XKR6: variants seen among roughly 807,000 people sequenced by gnomAD.
XKR6 encodes the protein XK-related protein 6.
XKR6 carries 22 observed loss-of-function variants against 56.7 expected under a neutral mutation model. The ratio of observed to expected loss-of-function variants is 0.39; its 90% CI spans 0.28 to 0.55. The LOEUF (loss-of-function observed/expected upper bound fraction) is 0.55, where lower values mean the gene tolerates loss of function less well. Ranked by LOEUF, XKR6 falls within the 20% of genes least tolerant of loss-of-function variation. The pLI, the probability that XKR6 is intolerant of heterozygous loss-of-function variation, is 0.66. For missense variants in XKR6, 852 were observed against 889.0 expected (o/e 0.96, Z 0.53); for synonymous variants, 524 against 387.8 (o/e 1.35, Z -4.13).
At chr8:11,186,314 G>T (rs1803271126) in intron 1 of XKR6, among the ~76,000 whole-genome samples, 1 of 152,120 alleles carries the variant, frequency 6.6e-6, no homozygotes, top group Non-Finnish European at 1.5e-5. Context: ...CTTGATCTAG[G>T]TATGGTCCAC....
At chr8:10,989,019 A>G (rs1248005354) in intron 1 of XKR6, among the ~76,000 whole-genome samples, 1 of 152,354 alleles carries the variant, frequency 6.6e-6, no homozygotes, top group East Asian at 1.9e-4. Flanking sequence ...CAATCACTGA[A>G]TATGCCCATA....
chr8:11,108,019 G>T (rs926241678), intron 1 of XKR6: 1 of 317,446 alleles, frequency 3.2e-6, no homozygotes, highest in African/African-American at 2.2e-5. Context: ...ATTTTTCCAC[G>T]ATGCGCCTCT....
At chr8:10,962,588 A>C (rs1802096772) in intron 1 of XKR6, among the ~76,000 whole-genome samples, 1 of 151,888 alleles carries the variant, frequency 6.6e-6, no homozygotes, top group Non-Finnish European at 1.5e-5. Flanking sequence ...TCTCTGTTCC[A>C]TGTTTAGTTT....
At chr8:11,189,429 A>G (rs980754959) in intron 1 of XKR6, among the ~76,000 whole-genome samples, 2 of 152,190 alleles carry the variant, frequency 1.3e-5, no homozygotes, top group African/African-American at 4.8e-5. Context: ...CAGGCATAAT[A>G]TATGGCAACA....
intron 1 of XKR6, among the ~76,000 whole-genome samples, chr8:11,045,053 C>G (rs1799374120): frequency 7.1e-6 from 1 of 140,990 alleles, no homozygotes; most frequent in Admixed American, 7.1e-5. Flanking sequence ...CTTTGTGTTA[C>G]CATTTCCACC....
At chr8:11,101,399 CAATG>C (rs1268045633) in intron 1 of XKR6, among the ~76,000 whole-genome samples, 1 of 152,154 alleles carries the variant, frequency 6.6e-6, no homozygotes, top group East Asian at 1.9e-4. Context: ...TCTGAAATGA[CAATG>C]AATGGAGTAT....
intron 1 of XKR6, among the ~76,000 whole-genome samples, chr8:10,938,164 G>T (rs577478355): frequency 1.6e-4 from 24 of 152,192 alleles, no homozygotes; most frequent in Non-Finnish European, 2.1e-4. Context: ...ACCCGATTTT[G>T]CAGGTGCGTC....
chr8:11,114,583 A>C (rs1799068061), intron 1 of XKR6, among the ~76,000 whole-genome samples: 1 of 151,724 alleles, frequency 6.6e-6, no homozygotes, highest in African/African-American at 2.4e-5. Flanking sequence ...CTGGTCTTGA[A>C]CTCCTGACCT....
intron 1 of XKR6, among the ~76,000 whole-genome samples, chr8:11,049,562 G>A (rs929698697): frequency 3.9e-5 from 6 of 152,146 alleles, no homozygotes; most frequent in Non-Finnish European, 8.8e-5. Flanking sequence ...TTACTGGGGA[G>A]CCCCAGAGAG....
chr8:10,939,343 G>A (rs1801320192), intron 1 of XKR6, among the ~76,000 whole-genome samples: 1 of 152,210 alleles, frequency 6.6e-6, no homozygotes, highest in Middle Eastern at 3.2e-3. Flanking sequence ...CCAAGGACCA[G>A]TGACTGAGAG....
chr8:11,171,861 T>G (rs1241732753), intron 1 of XKR6, among the ~76,000 whole-genome samples: 3 of 151,358 alleles, frequency 2.0e-5, no homozygotes, highest in African/African-American at 7.3e-5. Context: ...AACACCAGCA[T>G]GGCAAACATG....
intron 1 of XKR6, among the ~76,000 whole-genome samples, chr8:11,076,893 C>T (rs1314696977): frequency 6.6e-6 from 1 of 152,190 alleles, no homozygotes; most frequent in African/African-American, 2.4e-5. Context: ...GCATGGAGAG[C>T]TGGCTGAGCG....
chr8:11,029,135 C>T (rs1296028606), intron 1 of XKR6, among the ~76,000 whole-genome samples: 1 of 152,148 alleles, frequency 6.6e-6, no homozygotes, highest in African/African-American at 2.4e-5. Flanking sequence ...TGTGAGCTGT[C>T]CCCAAGAACC....
At chr8:11,194,929 A>G (rs1803789735) in intron 1 of XKR6, 2 of 545,584 alleles carry the variant, frequency 3.7e-6, no homozygotes, top group African/African-American at 3.9e-5. Context: ...ATTTCGCTCC[A>G]AAGCATGCCA....
intron 1 of XKR6, among the ~76,000 whole-genome samples, chr8:11,117,819 G>A (rs1044976268): frequency 3.3e-5 from 5 of 151,936 alleles, no homozygotes; most frequent in African/African-American, 4.8e-5. Context: ...CCAAGAAAAA[G>A]AAAACCCCAT....
intron 1 of XKR6, among the ~76,000 whole-genome samples, chr8:10,963,999 C>T (rs1055217401): frequency 6.6e-6 from 1 of 152,224 alleles, no homozygotes; most frequent in African/African-American, 2.4e-5. Context: ...CAACATAATC[C>T]CTACCGCAGA....
In XKR6 at chr8:10,897,642, G is replaced by T; in HGVS notation, c.*310C>A. The T allele has an allele frequency of 4.1e-6, 1 of 242,404 alleles. No individual in the cohort carries two copies. The allele number at this position is 242,404 out of a possible 1,614,324, so 15.0% of individuals were successfully genotyped here. Reference sequence around the variant, plus strand: ...GATAACTCCTCCTTCTCCACCCTATGAACCATAGCGTGGGATTTTTCAATA... The same window carrying T: ...GATAACTCCTCCTTCTCCACCCTATTAACCATAGCGTGGGATTTTTCAATA... On this transcript the variant is annotated 3_prime_UTR_variant, in exon 3 of 3. Coordinates refer to ENST00000416569, the MANE Select transcript of XKR6 (RefSeq NM_173683.4).
intron 1 of XKR6, among the ~76,000 whole-genome samples, chr8:11,054,998 G>A (rs550882651): frequency 6.6e-6 from 1 of 152,214 alleles, no homozygotes; most frequent in African/African-American, 2.4e-5. Context: ...CACAGCCAGA[G>A]GGGGCTGTAG....
At chr8:11,178,894 G>C (rs1215992130) in intron 1 of XKR6, among the ~76,000 whole-genome samples, 1 of 151,560 alleles carries the variant, frequency 6.6e-6, no homozygotes, top group Non-Finnish European at 1.5e-5. Context: ...GGAGAGTAGA[G>C]TGCAGTGGCA....
Sources: gnomAD v4.1 joint callset for allele counts (sites outside exome capture counted in the v4.1 genomes callset) on GRCh38, gnomAD v4.1.1 for gene constraint, MANE v1.5 for transcripts, NCBI Gene and HGNC (gene_info 2026-07-23, HGNC 2026-07-21) for gene names.